The following STX17 variants were observed in gnomAD, a reference collection of about 807,000 sequenced individuals.
STX17 encodes the protein syntaxin-17.
In STX17, 29 loss-of-function variants were observed where a neutral mutation model predicts 35.9. That is an observed-to-expected ratio of 0.81 (90% confidence interval 0.60 to 1.10). STX17 has a LOEUF of 1.10. STX17 is among the 50% of genes least tolerant of loss of function. The pLI, the probability that STX17 is intolerant of heterozygous loss-of-function variation, is 0.00. For missense variants in STX17, 312 were observed against 352.3 expected (o/e 0.89, Z 0.92); for synonymous variants, 92 against 118.3 (o/e 0.78, Z 1.44).
At chr9:99,953,177 A>G (rs1829638779) in intron 4 of STX17, among the ~76,000 whole-genome samples, 1 of 152,070 alleles carries the variant, frequency 6.6e-6, no homozygotes, top group Non-Finnish European at 1.5e-5. Flanking sequence ...CTAATGATCC[A>G]GTAATTTACA....
intron 3 of STX17, chr9:99,945,903 G>C (rs1205982816): frequency 1.2e-5 from 2 of 171,232 alleles, no homozygotes; most frequent in African/African-American, 4.8e-5. Flanking sequence ...CTAACATAGT[G>C]AAACCCCATC....
At chr9:99,950,637 G>A (rs1829573200) in intron 3 of STX17, among the ~76,000 whole-genome samples, 1 of 151,844 alleles carries the variant, frequency 6.6e-6, no homozygotes, top group African/African-American at 2.4e-5. Flanking sequence ...AGATTACTGT[G>A]TATAATGTAA....
chr9:99,950,481 A>T lies in STX17; in HGVS notation c.190-579A>T, dbSNP rs1364508607. On this transcript the variant is annotated intron_variant, in intron 3 of 7. Transcript: ENST00000259400. ...TTATATGCAGGGATATTTGTTTCAT[A>T]GTTTGTAATAACTAAAAATTAGGAA... Among the ~76,000 whole-genome samples the T allele has an allele frequency of 2.0e-5, 3 of 152,078 alleles. No homozygotes were observed. The East Asian group carries it at 5.8e-4, about 29-fold the overall frequency.
chr9:99,970,719 C>G lies in STX17; in HGVS notation c.*2046C>G, dbSNP rs542170013. Among the ~76,000 whole-genome samples, 2 of 152,312 alleles carry G rather than the reference C, an allele frequency of 1.3e-5. No individual in the cohort carries two copies. Among genetic ancestry groups the G allele is most frequent in the East Asian group, 1.9e-4 (1 of 5,184 alleles). On this transcript the variant is annotated 3_prime_UTR_variant, in exon 8 of 8. Transcript: ENST00000259400. The stretch of plus-strand genomic sequence containing the variant: ...ATTCTGAAACTCCCAGTATTCTACC[C>G]TTCTTCATCACTGCATATTACCCCA...
At chr9:99,908,900 CT>C (rs1828609240) in intron 1 of STX17, among the ~76,000 whole-genome samples, 1 of 152,216 alleles carries the variant, frequency 6.6e-6, no homozygotes, top group South Asian at 2.1e-4. Context: ...TATCCATATA[CT>C]TTTTAAAAAC....
chr9:99,954,753 C>T (rs1009899603), intron 4 of STX17, among the ~76,000 whole-genome samples: 37 of 152,140 alleles, frequency 2.4e-4, no homozygotes, highest in African/African-American at 7.9e-4. Context: ...TTGGAAACAT[C>T]AGCAGAGATT....
intron 1 of STX17, among the ~76,000 whole-genome samples, chr9:99,913,029 C>A (rs770726433): frequency 1.2e-4 from 19 of 152,110 alleles, no homozygotes; most frequent in Non-Finnish European, 2.2e-4. Flanking sequence ...ACTCTCTCAG[C>A]ACTTTGAAGG....
rs545510141 is a variant in STX17 at position 99,960,467 on chromosome 9, G to A, written c.582+312G>A. On this transcript the variant is annotated intron_variant, in intron 6 of 7. Transcript: ENST00000259400. Reference sequence around the variant, plus strand: ...TTTTTGTGTTTTTTTTTTTTGAGACGGAGTCTCACTCTGTCGCCCAGGCTG... The same window carrying A: ...TTTTTGTGTTTTTTTTTTTTGAGACAGAGTCTCACTCTGTCGCCCAGGCTG... Among the ~76,000 whole-genome samples, 32 of 150,716 alleles carry A rather than the reference G, an allele frequency of 2.1e-4. No individual in the cohort carries two copies. The East Asian group carries it at 4.3e-3, about 20-fold the overall frequency.
At chr9:99,961,844 C>G (rs1253855334) in intron 6 of STX17, among the ~76,000 whole-genome samples, 1 of 152,098 alleles carries the variant, frequency 6.6e-6, no homozygotes, top group African/African-American at 2.4e-5. Context: ...CTTTTAGCCT[C>G]TTTTGGAACA....
At chr9:99,926,257 T>C (rs1014504590) in intron 2 of STX17, among the ~76,000 whole-genome samples, 102 of 152,260 alleles carry the variant, frequency 6.7e-4, no homozygotes, top group African/African-American at 2.4e-3. Context: ...ATAATAACTG[T>C]TTTTAATATC....
chr9:99,950,704 G>T (rs140978302), intron 3 of STX17, among the ~76,000 whole-genome samples: 2 of 151,942 alleles, frequency 1.3e-5, no homozygotes, highest in African/African-American at 2.4e-5. Context: ...TGCATGAGCC[G>T]TGAGAAATGT....
Position 99,972,701 on chromosome 9 carries a change from T to C in STX17, c.*4028T>C, listed in dbSNP as rs1331597828. Among the ~76,000 whole-genome samples the C allele has an allele frequency of 6.6e-6, 1 of 152,206 alleles. No individual in the cohort carries two copies. The highest frequency in any genetic ancestry group is 1.5e-5 in the Non-Finnish European group (1 of 68,040). On this transcript the variant is annotated 3_prime_UTR_variant, in exon 8 of 8. Transcript: ENST00000259400. Reference sequence around the variant, plus strand: ...AAACCTGTAATATAGCTAGATAATATACAACGTTTGTCTTCCATCAGAGTG... The same window carrying C: ...AAACCTGTAATATAGCTAGATAATACACAACGTTTGTCTTCCATCAGAGTG...
chr9:99,973,062 C>T lies in STX17; in HGVS notation c.*4389C>T, dbSNP rs1233659426. On this transcript the variant is annotated 3_prime_UTR_variant, in exon 8 of 8. Coordinates refer to ENST00000259400, the MANE Select transcript of STX17 (RefSeq NM_017919.3). ...TTTATTGTTTTTAACAGGTGGTTCT[C>T]ATAATTTACATTCATTAATTTGATG... 6.6e-6 allele frequency among the ~76,000 whole-genome samples: 1 copy of T among 151,998 alleles called. No homozygotes were observed. Among genetic ancestry groups the T allele is most frequent in the Non-Finnish European group, 1.5e-5 (1 of 67,992 alleles).
chr9:99,945,738 C>T (rs1443892770), intron 3 of STX17: 6 of 400,026 alleles, frequency 1.5e-5, no homozygotes, highest in Non-Finnish European at 2.5e-5. Flanking sequence ...TACATTTGAG[C>T]CTTCTCCAAG....
intron 3 of STX17, among the ~76,000 whole-genome samples, chr9:99,949,813 GA>G (rs550112789): frequency 9.9e-5 from 15 of 151,798 alleles, no homozygotes; most frequent in African/African-American, 3.6e-4. Context: ...TCAAAGTATA[GA>G]CCATTGAGAA....
chr9:99,914,892 T>C (rs1828735100), intron 1 of STX17, among the ~76,000 whole-genome samples: 2 of 152,136 alleles, frequency 1.3e-5, no homozygotes, highest in Non-Finnish European at 2.9e-5. Context: ...TATGCCAAAA[T>C]GTAAAGAGTA....
At chr9:99,927,066 C>T (rs1828999773) in intron 2 of STX17, among the ~76,000 whole-genome samples, 1 of 152,160 alleles carries the variant, frequency 6.6e-6, no homozygotes, top group Non-Finnish European at 1.5e-5. Flanking sequence ...AAAAGGAAAA[C>T]CCTGCAGATC....
At chr9:99,927,086 C>G (rs897051403) in intron 2 of STX17, among the ~76,000 whole-genome samples, 7 of 152,186 alleles carry the variant, frequency 4.6e-5, no homozygotes, top group African/African-American at 1.7e-4. Flanking sequence ...CTCTGGAGTT[C>G]TCTCTCAGTG....
intron 6 of STX17, 70 bp downstream of exon 6, chr9:99,960,225 G>T: frequency 1.4e-6 from 2 of 1,431,248 alleles, no homozygotes; most frequent in Non-Finnish European, 1.9e-6. Flanking sequence ...TAATCACTAG[G>T]CTTTTAATTA....
Sources: gnomAD v4.1 joint callset for allele counts (sites outside exome capture counted in the v4.1 genomes callset) on GRCh38, gnomAD v4.1.1 for gene constraint, MANE v1.5 for transcripts, NCBI Gene and HGNC (gene_info 2026-07-23, HGNC 2026-07-21) for gene names.